DLG2: variants seen among roughly 807,000 people sequenced by gnomAD.
DLG2 encodes the protein disks large homolog 2.
In DLG2, 45 loss-of-function variants were observed where a neutral mutation model predicts 132.5. The ratio of observed to expected loss-of-function variants is 0.34; its 90% CI spans 0.27 to 0.44. The LOEUF is 0.44. Among genes scored for constraint, DLG2 ranks in the 20% least tolerant of loss-of-function variants. The probability of loss-of-function intolerance (pLI) is 1.00; values close to 1 mark genes in which losing one functional copy is unlikely to be tolerated. For missense variants in DLG2, 1,045 were observed against 1,196.9 expected, an observed-to-expected ratio of 0.87 and a Z score of 1.87; for synonymous variants, 424 against 419.6, an observed-to-expected ratio of 1.01 and a Z score of -0.13.
At chr11:85,092,658 T>C (rs1594043288) in intron 6 of DLG2, among the ~76,000 whole-genome samples, 1 of 151,950 alleles carries the variant, frequency 6.6e-6, no homozygotes, top group East Asian at 1.9e-4. Flanking sequence ...TTTTTTTTTT[T>C]TTCAGACAGA....
chr11:83,835,914 C>G (rs1452855081), intron 16 of DLG2, among the ~76,000 whole-genome samples: 1 of 152,126 alleles, frequency 6.6e-6, no homozygotes, highest in East Asian at 1.9e-4. Flanking sequence ...CACACACACA[C>G]CCCTATGGTA....
At chr11:85,350,855 T>G (rs968096012) in intron 3 of DLG2, among the ~76,000 whole-genome samples, 1 of 152,156 alleles carries the variant, frequency 6.6e-6, no homozygotes, top group African/African-American at 2.4e-5. Context: ...TGCCTCCAGC[T>G]TTGTTCTTTT....
chr11:84,712,537 G>A (rs959880663), intron 6 of DLG2, among the ~76,000 whole-genome samples: 1 of 151,862 alleles, frequency 6.6e-6, no homozygotes, highest in African/African-American at 2.4e-5. Context: ...CTTCAACAAC[G>A]TGTTGGTAGG....
chr11:83,795,088 T>C (rs535528496), intron 17 of DLG2, among the ~76,000 whole-genome samples: 3 of 152,186 alleles, frequency 2.0e-5, no homozygotes, highest in Non-Finnish European at 4.4e-5. Context: ...TCTTTATGTA[T>C]ATGACTTTTA....
intron 9 of DLG2, among the ~76,000 whole-genome samples, chr11:84,133,053 T>C (rs768970710): frequency 9.9e-5 from 15 of 152,030 alleles, no homozygotes; most frequent in African/African-American, 1.7e-4. Flanking sequence ...TGTAAATGTA[T>C]TGAATAGTTG....
intron 6 of DLG2, among the ~76,000 whole-genome samples, chr11:85,065,978 A>G (rs1176180853): frequency 6.6e-6 from 1 of 151,580 alleles, no homozygotes; most frequent in Non-Finnish European, 1.5e-5. Context: ...GAACTAAACA[A>G]AAGTGAGATA....
chr11:85,024,885 G>A (rs781278244), intron 6 of DLG2, among the ~76,000 whole-genome samples: 1 of 152,190 alleles, frequency 6.6e-6, no homozygotes, highest in Non-Finnish European at 1.5e-5. Context: ...CAAGGTGGAA[G>A]TGCGTTCTGT....
At chr11:85,542,041 CTAATT>C (rs2076005634) in intron 3 of DLG2, among the ~76,000 whole-genome samples, 1 of 152,156 alleles carries the variant, frequency 6.6e-6, no homozygotes, top group South Asian at 2.1e-4. Flanking sequence ...TGGTTTACAG[CTAATT>C]TATTTACAAC....
At chr11:84,930,337 G>A (rs1566429556) in intron 6 of DLG2, among the ~76,000 whole-genome samples, 1 of 152,086 alleles carries the variant, frequency 6.6e-6, no homozygotes, top group South Asian at 2.1e-4. Flanking sequence ...GGACAACTAT[G>A]AGCTGGAAAA....
At chr11:84,672,907 G>A (rs1595454392) in intron 6 of DLG2, among the ~76,000 whole-genome samples, 3 of 152,222 alleles carry the variant, frequency 2.0e-5, no homozygotes, top group Middle Eastern at 3.4e-3. Context: ...GAAGGCCTCA[G>A]GGAGCTTTTA....
intron 3 of DLG2, among the ~76,000 whole-genome samples, chr11:85,570,677 A>G (rs2077794951): frequency 6.6e-6 from 1 of 152,108 alleles, no homozygotes; most frequent in East Asian, 1.9e-4. Flanking sequence ...AATGTCTTTC[A>G]AATACTTCAA....
intron 6 of DLG2, among the ~76,000 whole-genome samples, chr11:84,888,936 G>A (rs1160624481): frequency 5.3e-5 from 8 of 152,098 alleles, no homozygotes; most frequent in Non-Finnish European, 1.5e-5. Context: ...AGGTTCTGAG[G>A]TAGATCTGGG....
At chr11:85,606,344 C>G (rs2080537244) in intron 2 of DLG2, among the ~76,000 whole-genome samples, 4 of 152,252 alleles carry the variant, frequency 2.6e-5, no homozygotes, top group Admixed American at 2.6e-4. Flanking sequence ...ACTTTTCTGT[C>G]TAACTAAAGG....
chr11:84,216,112 T>C (rs1012088100), intron 8 of DLG2, among the ~76,000 whole-genome samples: 1 of 152,164 alleles, frequency 6.6e-6, no homozygotes, highest in African/African-American at 2.4e-5. Context: ...CATGGCTGTG[T>C]TCCTAATATA....
At chr11:84,118,322 C>A (rs1027758948) in intron 9 of DLG2, among the ~76,000 whole-genome samples, 1 of 152,138 alleles carries the variant, frequency 6.6e-6, no homozygotes, top group African/African-American at 2.4e-5. Context: ...TAACAGTTTG[C>A]CCGATGGAAG....
chr11:83,772,326 C>G (rs2094427828), intron 18 of DLG2, among the ~76,000 whole-genome samples: 1 of 151,798 alleles, frequency 6.6e-6, no homozygotes, highest in African/African-American at 2.4e-5. Flanking sequence ...GGGAGGATCC[C>G]TTGAGCCTGG....
chr11:84,803,734 A>G (rs998916593), intron 6 of DLG2, among the ~76,000 whole-genome samples: 1 of 152,206 alleles, frequency 6.6e-6, no homozygotes, highest in Non-Finnish European at 1.5e-5. Context: ...ACTATGTTGC[A>G]CAGGTCTGCC....
intron 6 of DLG2, among the ~76,000 whole-genome samples, chr11:84,727,743 T>C (rs926982844): frequency 4.6e-5 from 7 of 152,220 alleles, no homozygotes; most frequent in African/African-American, 9.6e-5. Context: ...TGAAGGTTTT[T>C]ACATTTGTTT....
chr11:84,220,775 C>CTT (rs2096901971), intron 8 of DLG2, among the ~76,000 whole-genome samples: 1 of 112,298 alleles, frequency 8.9e-6, no homozygotes, highest in African/African-American at 3.3e-5. Flanking sequence ...TTTTCTTTTT[C>CTT]TTTTCTTTTT....
Sources: gnomAD v4.1 joint callset for allele counts (sites outside exome capture counted in the v4.1 genomes callset) on GRCh38, gnomAD v4.1.1 for gene constraint, MANE v1.5 for transcripts, NCBI Gene and HGNC (gene_info 2026-07-23, HGNC 2026-07-21) for gene names.